Variants in ROBO2 observed in about 807,000 individuals in gnomAD.
ROBO2 encodes roundabout guidance receptor 2, also known as roundabout homolog 2.
ROBO2 carries 53 observed loss-of-function variants against 160.8 expected under a neutral mutation model. That is an observed-to-expected ratio of 0.33 (90% confidence interval 0.26 to 0.41). ROBO2 has a LOEUF of 0.41. Among genes scored for constraint, ROBO2 ranks in the 10% least tolerant of loss-of-function variants. The pLI is 1.00. For synonymous variants in ROBO2, 664 were observed against 611.7 expected, an observed-to-expected ratio of 1.09 and a Z score of -1.26; for missense variants, 1,577 against 1,722.4, an observed-to-expected ratio of 0.92 and a Z score of 1.49.
At chr3:76,722,252 C>G (rs1048973705) in intron 2 of ROBO2, among the ~76,000 whole-genome samples, 5 of 152,054 alleles carry the variant, frequency 3.3e-5, no homozygotes, top group African/African-American at 1.2e-4. Flanking sequence ...TCCCAAGTAG[C>G]CGGGATTACA....
At chr3:76,438,466 G>T (rs116143249) in intron 2 of ROBO2, among the ~76,000 whole-genome samples, 1 of 150,620 alleles carries the variant, frequency 6.6e-6, no homozygotes, top group Admixed American at 6.6e-5. Flanking sequence ...ATGGTAGCAC[G>T]TATTTTACAT....
intron 2 of ROBO2, among the ~76,000 whole-genome samples, chr3:76,117,884 G>A (rs1280067933): frequency 6.6e-6 from 1 of 152,046 alleles, no homozygotes; most frequent in African/African-American, 2.4e-5. Flanking sequence ...TCGTCTCAGT[G>A]GCCAGGGAAG....
At chr3:76,142,536 A>G (rs761528366) in intron 2 of ROBO2, among the ~76,000 whole-genome samples, 1 of 152,040 alleles carries the variant, frequency 6.6e-6, no homozygotes, top group Non-Finnish European at 1.5e-5. Flanking sequence ...GGAGATCATT[A>G]TGTCAAGTGA....
chr3:76,972,993 A>G (rs1338866437), intron 2 of ROBO2, among the ~76,000 whole-genome samples: 1 of 152,210 alleles, frequency 6.6e-6, no homozygotes, highest in Non-Finnish European at 1.5e-5. Context: ...AAGATTTTGT[A>G]AAGAGCTATT....
chr3:76,328,908 TTATA>T (rs201466987), intron 2 of ROBO2, among the ~76,000 whole-genome samples: 47,029 of 135,926 alleles, frequency 0.35, 7,926 homozygotes, highest in South Asian at 0.46. Flanking sequence ...ATTTATGTTA[TTATA>T]TATATATATA....
chr3:76,485,707 G>GA (rs2079455883), intron 2 of ROBO2, among the ~76,000 whole-genome samples: 1 of 152,006 alleles, frequency 6.6e-6, no homozygotes, highest in Non-Finnish European at 1.5e-5. Context: ...TGTTTGTACT[G>GA]AAGTAAAACT....
At chr3:77,001,891 A>G (rs952025087) in intron 2 of ROBO2, among the ~76,000 whole-genome samples, 6 of 152,160 alleles carry the variant, frequency 3.9e-5, no homozygotes, top group Non-Finnish European at 7.4e-5. Context: ...GAAGGATCCT[A>G]TCTTCTTTTA....
chr3:76,271,834 A>T (rs572479913), intron 2 of ROBO2, among the ~76,000 whole-genome samples: 1 of 152,046 alleles, frequency 6.6e-6, no homozygotes, highest in Non-Finnish European at 1.5e-5. Context: ...TTCATGATAA[A>T]ATCAGACTCG....
intron 4 of ROBO2, among the ~76,000 whole-genome samples, chr3:77,488,692 G>A (rs1445316276): frequency 6.6e-6 from 1 of 152,048 alleles, no homozygotes; most frequent in African/African-American, 2.4e-5. Flanking sequence ...AGTCAAAAGG[G>A]GAGACTCAAG....
intron 2 of ROBO2, among the ~76,000 whole-genome samples, chr3:77,249,349 GATAA>G (rs1210940425): frequency 2.0e-5 from 3 of 152,072 alleles, no homozygotes; most frequent in African/African-American, 4.8e-5. Flanking sequence ...GTAATTTAGA[GATAA>G]ATAATCAAAT....
At chr3:76,011,974 C>G in intron 2 of ROBO2, among the ~76,000 whole-genome samples, 1 of 152,154 alleles carries the variant, frequency 6.6e-6, no homozygotes, top group East Asian at 1.9e-4. Flanking sequence ...TCTGAGGAAA[C>G]AGTTTTAGAC....
chr3:77,386,004 T>A (rs1317519153), intron 2 of ROBO2, among the ~76,000 whole-genome samples: 1 of 152,134 alleles, frequency 6.6e-6, no homozygotes, highest in Non-Finnish European at 1.5e-5. Flanking sequence ...CAATTTGTAA[T>A]GATATTTATG....
chr3:76,502,522 T>C (rs2080518000), intron 2 of ROBO2, among the ~76,000 whole-genome samples: 1 of 152,260 alleles, frequency 6.6e-6, no homozygotes, highest in Non-Finnish European at 1.5e-5. Flanking sequence ...ATTGACATTT[T>C]ACTTAGAAAT....
chr3:76,061,314 G>T (rs1476511106), intron 2 of ROBO2, among the ~76,000 whole-genome samples: 12 of 152,238 alleles, frequency 7.9e-5, no homozygotes, highest in Admixed American at 6.5e-4. Flanking sequence ...TTAATAATTA[G>T]GAAATGCATC....
In ROBO2 at chr3:77,567,884, G is replaced by A. The variant is rs72902862; in HGVS notation, c.1850-429G>A. Among the ~76,000 whole-genome samples, 904 of 152,074 alleles carry A rather than the reference G, an allele frequency of 5.9e-3. 13 individuals carry two copies. The highest frequency in any genetic ancestry group is 0.021 in the African/African-American group (866 of 41,516). ...GGACAAGGGATTAACAGGTCCCTTA[G>A]CATCAGTTTTTAGATATATCCCAAT... On this transcript the variant is annotated intron_variant, in intron 12 of 25. Coordinates refer to ENST00000461745, the Ensembl canonical transcript of ROBO2.
chr3:77,224,286 G>GAAA (rs1560281067), intron 2 of ROBO2, among the ~76,000 whole-genome samples: 1 of 151,924 alleles, frequency 6.6e-6, no homozygotes, highest in Non-Finnish European at 1.5e-5. Context: ...GAAAGGCATT[G>GAAA]AACATAGTTT....
chr3:77,338,544 A>G (rs1235867614), intron 2 of ROBO2, among the ~76,000 whole-genome samples: 1 of 152,188 alleles, frequency 6.6e-6, no homozygotes, highest in African/African-American at 2.4e-5. Flanking sequence ...TGTTGTGGCA[A>G]TTATTTTTAA....
At position 77,465,061 on chromosome 3, in the gene ROBO2, C is replaced by T. The variant is rs115807494; in HGVS notation, c.389-12353C>T. On this transcript the variant is annotated intron_variant, in intron 2 of 25. Transcript: ENST00000461745. The stretch of plus-strand genomic sequence containing the variant: ...TTGCTGACACTTTAGACAACTTGCC[C>T]TACATTCACAACAGCCGTAATTTGT... Among the ~76,000 whole-genome samples the T allele has an allele frequency of 2.2e-3, 340 of 152,008 alleles. 1 individual carries two copies. Among genetic ancestry groups the T allele is most frequent in the African/African-American group, 7.8e-3 (324 of 41,464 alleles).
At chr3:76,248,221 G>A (rs1464582955) in intron 2 of ROBO2, among the ~76,000 whole-genome samples, 1 of 151,904 alleles carries the variant, frequency 6.6e-6, no homozygotes. Context: ...ATTCACAATA[G>A]CAAAGACTTG....
Sources: allele counts gnomAD v4.1 joint callset (sites outside exome capture counted in the v4.1 genomes callset), GRCh38; gene constraint gnomAD v4.1.1; transcripts MANE v1.5; gene names NCBI Gene and HGNC (gene_info 2026-07-23, HGNC 2026-07-21).